Variants in SPIDR observed in about 807,000 individuals in gnomAD.
The protein encoded by SPIDR is scaffold protein involved in DNA repair, also known as DNA repair-scaffolding protein.
A neutral mutation model predicts 104.6 loss-of-function variants in SPIDR; 93 were observed. The observed-to-expected ratio is 0.89, with a 90% confidence interval of 0.75 to 1.06. SPIDR has a LOEUF of 1.06. Ranked by LOEUF, SPIDR falls within the 50% of genes least tolerant of loss-of-function variation. The pLI is 0.00. For missense variants in SPIDR, 1,154 were observed against 1,111.2 expected, an observed-to-expected ratio of 1.04 and a Z score of -0.55; for synonymous variants, 431 against 416.9, an observed-to-expected ratio of 1.03 and a Z score of -0.41.
intron 5 of SPIDR, 78 bp downstream of exon 5, chr8:47,294,108 T>G: frequency 6.5e-7 from 1 of 1,533,832 alleles, no homozygotes; most frequent in South Asian, 1.3e-5. Context: ...TTTTTTGTTT[T>G]TTTTTTCCTG....
chr8:47,638,238 C>G (rs945265291), intron 10 of SPIDR, among the ~76,000 whole-genome samples: 22 of 152,088 alleles, frequency 1.4e-4, no homozygotes, highest in African/African-American at 4.8e-4. Flanking sequence ...CCAAGGAGAC[C>G]TGGCTCCTTT....
chr8:47,284,514 TTCAA>T (rs1214880913), intron 3 of SPIDR, among the ~76,000 whole-genome samples: 2 of 152,182 alleles, frequency 1.3e-5, no homozygotes, highest in Non-Finnish European at 2.9e-5. Flanking sequence ...TTAGGGAACT[TTCAA>T]TAAGTAGTAG....
intron 19 of SPIDR, 91 bp from the exon 20 acceptor site, chr8:47,735,215 GC>G (rs2086088035): frequency 8.1e-7 from 1 of 1,238,192 alleles, no homozygotes; most frequent in African/African-American, 1.5e-5. Flanking sequence ...TGGGGAAAGG[GC>G]CTTCCACTCT....
chr8:47,482,360 G>A lies in SPIDR; in HGVS notation c.1097+41818G>A, dbSNP rs905820024. Among the ~76,000 whole-genome samples, 5 of 152,082 alleles carry A rather than the reference G, an allele frequency of 3.3e-5. No homozygotes were observed. The East Asian group carries it at 5.8e-4, about 18-fold the overall frequency. On this transcript the variant is annotated intron_variant, in intron 8 of 19. Coordinates refer to ENST00000297423, the MANE Select transcript of SPIDR (RefSeq NM_001080394.4). Reference sequence around the variant, plus strand: ...TGAGGTGGGAAGATCACCTGAGCCCGGGAGCTGGAGGTTTCAGTGAGCTCA... The same window carrying A: ...TGAGGTGGGAAGATCACCTGAGCCCAGGAGCTGGAGGTTTCAGTGAGCTCA...
chr8:47,457,691 G>A (rs1447111290), intron 8 of SPIDR, among the ~76,000 whole-genome samples: 6 of 152,004 alleles, frequency 3.9e-5, no homozygotes, highest in South Asian at 2.1e-4. Flanking sequence ...GGGTTTTTCC[G>A]ATGTTATCTT....
intron 8 of SPIDR, among the ~76,000 whole-genome samples, chr8:47,589,022 G>GTTTTTTTTTTTTTTTTTTTTTTTATTTTT (rs1168001066): frequency 1.1e-5 from 1 of 89,058 alleles, no homozygotes; most frequent in Non-Finnish European, 2.3e-5. Context: ...TTTATAGTTT[G>GTTTTTTTTTTTTTTTTTTTTTTTATTTTT]TTTTTTTTTT....
intron 10 of SPIDR, among the ~76,000 whole-genome samples, chr8:47,604,609 A>G (rs2062719313): frequency 6.6e-6 from 1 of 152,204 alleles, no homozygotes; most frequent in African/African-American, 2.4e-5. Context: ...TCCGTGGTCT[A>G]GATGTGTGTG....
intron 10 of SPIDR, among the ~76,000 whole-genome samples, chr8:47,639,653 AAGG>A (rs1344396503): frequency 6.6e-6 from 1 of 152,310 alleles, no homozygotes; most frequent in Non-Finnish European, 1.5e-5. Context: ...ACTTAAACAG[AAGG>A]AGATTTATTG....
At chr8:47,358,874 C>A (rs1554627799) in intron 5 of SPIDR, among the ~76,000 whole-genome samples, 1 of 152,106 alleles carries the variant, frequency 6.6e-6, no homozygotes. Flanking sequence ...CATTGCAGCA[C>A]AAATAAATCT....
chr8:47,278,009 A>G (rs2154219565), intron 1 of SPIDR, among the ~76,000 whole-genome samples: 1 of 151,888 alleles, frequency 6.6e-6, no homozygotes, highest in South Asian at 2.1e-4. Context: ...ATAATTTTTA[A>G]CAACTGCAAC....
At chr8:47,389,918 A>G (rs1253810730) in intron 5 of SPIDR, among the ~76,000 whole-genome samples, 2 of 152,126 alleles carry the variant, frequency 1.3e-5, no homozygotes, top group African/African-American at 2.4e-5. Context: ...TATGGAACAC[A>G]TAGATCCAGA....
chr8:47,351,528 AC>A (rs1276941105), intron 5 of SPIDR, among the ~76,000 whole-genome samples: 1 of 152,186 alleles, frequency 6.6e-6, no homozygotes, highest in Non-Finnish European at 1.5e-5. Context: ...GGAAGATGAT[AC>A]CTAGAACTTA....
At chr8:47,323,043 C>G (rs1554597637) in intron 5 of SPIDR, among the ~76,000 whole-genome samples, 1 of 151,054 alleles carries the variant, frequency 6.6e-6, no homozygotes. Flanking sequence ...ACATATGTAA[C>G]TAACCTGCAC....
chr8:47,644,017 A>G (rs749575427), intron 10 of SPIDR, among the ~76,000 whole-genome samples: 3 of 152,218 alleles, frequency 2.0e-5, no homozygotes, highest in Non-Finnish European at 4.4e-5. Flanking sequence ...TGTGATGTTT[A>G]CATTTCTGGA....
intron 8 of SPIDR, chr8:47,528,274 C>T (rs1295700362): frequency 6.6e-6 from 1 of 152,162 alleles, no homozygotes; most frequent in Non-Finnish European, 1.5e-5. Flanking sequence ...TGTTTAAATA[C>T]ATATCTCATG....
In SPIDR at chr8:47,423,558, C is replaced by T. The variant is rs755851264; in HGVS notation, c.877+15597C>T. ...CAGAGGTTTTTGTGAGCCGAGATCA[C>T]GCCACTGCACTGCTATCTGGGCAAC... On this transcript the variant is annotated intron_variant, in intron 7 of 19. Coordinates refer to ENST00000297423, the MANE Select transcript of SPIDR (RefSeq NM_001080394.4). 5.6e-4 allele frequency among the ~76,000 whole-genome samples: 85 copies of T among 152,066 alleles called. No individual in the cohort carries two copies. In the Middle Eastern group the frequency reaches 0.01, roughly 18 times the overall value.
chr8:47,406,602 C>T (rs1181655990), intron 6 of SPIDR, among the ~76,000 whole-genome samples: 4 of 152,082 alleles, frequency 2.6e-5, no homozygotes, highest in Admixed American at 1.3e-4. Flanking sequence ...TACTAGGTGT[C>T]TCTATAGGTA....
chr8:47,731,325 C>G lies in SPIDR; in HGVS notation c.2604+1860C>G, dbSNP rs575866488. Among the ~76,000 whole-genome samples, 7 of 152,314 alleles carry G rather than the reference C, an allele frequency of 4.6e-5. No individual in the cohort carries two copies. The East Asian group carries it at 1.2e-3, about 25-fold the overall frequency. ...CCAGCTTTAAAGCTCCTCAGTGACC[C>G]CGAGCTCCAGCTCGGAATTGTCCCC... On this transcript the variant is annotated intron_variant, in intron 19 of 19. Coordinates refer to ENST00000297423, the MANE Select transcript of SPIDR (RefSeq NM_001080394.4).
At chr8:47,558,257 A>G (rs1009675782) in intron 8 of SPIDR, among the ~76,000 whole-genome samples, 2 of 152,210 alleles carry the variant, frequency 1.3e-5, no homozygotes, top group African/African-American at 4.8e-5. Flanking sequence ...GCATCATGCA[A>G]TGTGCTCATT....
Sources: allele counts gnomAD v4.1 joint callset (sites outside exome capture counted in the v4.1 genomes callset), GRCh38; gene constraint gnomAD v4.1.1; transcripts MANE v1.5; gene names NCBI Gene and HGNC (gene_info 2026-07-23, HGNC 2026-07-21).